Variants in LARGE1 observed in about 807,000 individuals in gnomAD.
LARGE1 encodes the protein LARGE xylosyl- and glucuronyltransferase 1.
A neutral mutation model predicts 87.6 loss-of-function variants in LARGE1; 43 were observed. That is an observed-to-expected ratio of 0.49 (90% CI 0.38 to 0.63). The LOEUF is 0.63. LARGE1 is among the 30% of genes least tolerant of loss of function. The pLI, the probability that LARGE1 is intolerant of heterozygous loss-of-function variation, is 0.00. For synonymous variants in LARGE1, 434 were observed against 394.6 expected, an observed-to-expected ratio of 1.10 and a Z score of -1.18; for missense variants, 802 against 1,000.2, an observed-to-expected ratio of 0.80 and a Z score of 2.67.
the LARGE1 span, among the ~76,000 whole-genome samples, chr22:33,085,057 C>T: frequency 6.6e-6 from 1 of 152,244 alleles, no homozygotes; most frequent in Non-Finnish European, 1.5e-5. Flanking sequence ...GGGTGGATCA[C>T]CTGAGGTCAG....
intron 1 of LARGE1, among the ~76,000 whole-genome samples, chr22:33,861,860 C>CTTTTTTTT (rs59657748): frequency 4.3e-5 from 5 of 117,248 alleles, no homozygotes; most frequent in African/African-American, 6.9e-5. Context: ...CCCAGACATT[C>CTTTTTTTT]TTTTTTTTTT....
chr22:33,593,917 A>G (rs2078911017), intron 5 of LARGE1, among the ~76,000 whole-genome samples: 1 of 152,224 alleles, frequency 6.6e-6, no homozygotes, highest in African/African-American at 2.4e-5. Context: ...CAGACTACCC[A>G]AAATTCATGT....
intron 6 of LARGE1, among the ~76,000 whole-genome samples, chr22:33,452,403 C>T (rs2067967827): frequency 1.3e-5 from 2 of 152,140 alleles, no homozygotes; most frequent in Admixed American, 1.3e-4. Context: ...GCAATGCCAG[C>T]AAAAGAAGAA....
the LARGE1 span, among the ~76,000 whole-genome samples, chr22:33,123,595 A>G: frequency 6.6e-6 from 1 of 152,248 alleles, no homozygotes; most frequent in Non-Finnish European, 1.5e-5. Flanking sequence ...AAGCATTACA[A>G]AAGCCAATTA....
At position 33,429,914 on chromosome 22, in the gene LARGE1, G is replaced by A. The variant is rs368564591; in HGVS notation, c.892+2247C>T. ...AATGCACTGAGAAAACAGCGTCTGGGAGAGCTTGCTGGGACAGGAAACAGA... is the reference window on the plus strand; with the variant it reads ...AATGCACTGAGAAAACAGCGTCTGGAAGAGCTTGCTGGGACAGGAAACAGA... On this transcript the variant is annotated intron_variant, in intron 7 of 14. Transcript: ENST00000397394. 1.2e-3 allele frequency among the ~76,000 whole-genome samples: 186 copies of A among 152,276 alleles called. 1 individual carries two copies. The highest frequency in any genetic ancestry group is 4.0e-3 in the African/African-American group (168 of 41,558).
rs754836488 is a variant in LARGE1 at position 33,316,292 on chromosome 22, C to T, written c.1288-44G>A. On this transcript the variant is annotated intron_variant, in intron 10 of 14. Coordinates refer to ENST00000397394, the MANE Select transcript of LARGE1 (RefSeq NM_133642.5). Reference sequence around the variant, plus strand: ...GGCTTGGGCACGTGAAGAAGAGGTCCGAGGGGGCCCATGAGCTTGCCCCTT... The same window carrying T: ...GGCTTGGGCACGTGAAGAAGAGGTCTGAGGGGGCCCATGAGCTTGCCCCTT... The T allele has an allele frequency of 6.0e-5, 96 of 1,601,364 alleles. 1 individual carries two copies. The highest frequency in any genetic ancestry group is 2.0e-4 in the Middle Eastern group (1 of 5,026).
chr22:33,845,458 G>A lies in LARGE1; in HGVS notation c.-83+74537C>T, dbSNP rs542331911. 9.9e-5 allele frequency among the ~76,000 whole-genome samples: 15 copies of A among 151,998 alleles called. No homozygotes were observed. In the East Asian group the frequency reaches 2.7e-3, roughly 28 times the overall value. On this transcript the variant is annotated intron_variant, in intron 1 of 14. Transcript: ENST00000397394. ...TGAGTAGCTGAGATTACAGGCATGCGTCACCATGCCCGGCTAATTTTGTAT... is the reference window on the plus strand; with the variant it reads ...TGAGTAGCTGAGATTACAGGCATGCATCACCATGCCCGGCTAATTTTGTAT...
intron 2 of LARGE1, among the ~76,000 whole-genome samples, chr22:33,684,327 C>T (rs143638270): frequency 1.8e-3 from 267 of 152,088 alleles, no homozygotes; most frequent in African/African-American, 6.1e-3. Flanking sequence ...TCAAGGCCAA[C>T]GGGAGTGCAA....
At chr22:33,863,379 A>G (rs2063988876) in intron 1 of LARGE1, among the ~76,000 whole-genome samples, 1 of 152,112 alleles carries the variant, frequency 6.6e-6, no homozygotes, top group African/African-American at 2.4e-5. Context: ...CTGCCTCACG[A>G]TGGGGCCAGG....
intron 2 of LARGE1, among the ~76,000 whole-genome samples, chr22:33,653,756 A>G (rs1214999150): frequency 6.6e-6 from 1 of 152,156 alleles, no homozygotes; most frequent in Non-Finnish European, 1.5e-5. Flanking sequence ...TAAGGTGTAA[A>G]GCACGCTGTA....
At chr22:33,810,054 T>A (rs1018787) in intron 1 of LARGE1, among the ~76,000 whole-genome samples, 110,118 of 151,574 alleles carry the variant, frequency 0.73, 40,368 homozygotes, top group East Asian at 0.87. Context: ...GTAGTCTGCA[T>A]GCAACAGACA....
intron 2 of LARGE1, among the ~76,000 whole-genome samples, chr22:33,654,450 C>T (rs1259041161): frequency 1.3e-5 from 2 of 152,300 alleles, no homozygotes; most frequent in East Asian, 1.9e-4. Context: ...ATCCCAACAC[C>T]GCATGATCAG....
At chr22:33,430,401 C>A (rs1198003252) in intron 7 of LARGE1, among the ~76,000 whole-genome samples, 1 of 152,118 alleles carries the variant, frequency 6.6e-6, no homozygotes, top group East Asian at 1.9e-4. Context: ...TGCTCTGATG[C>A]CCTCAGCTGC....
chr22:33,265,974 C>T (rs5998832), intron 11 of LARGE1, among the ~76,000 whole-genome samples: 42,681 of 152,018 alleles, frequency 0.28, 12,530 homozygotes, highest in African/African-American at 0.75. Context: ...AGCACTGGTA[C>T]AGGCCAAGAA....
At chr22:33,120,366 C>CT in the LARGE1 span, among the ~76,000 whole-genome samples, 14 of 139,896 alleles carry the variant, frequency 1.0e-4, no homozygotes, top group Non-Finnish European at 1.4e-4. Context: ...CTTTTTCTTT[C>CT]TTTCTTTCTT....
At chr22:33,909,833 C>T (rs1173616435) in intron 1 of LARGE1, among the ~76,000 whole-genome samples, 2 of 152,118 alleles carry the variant, frequency 1.3e-5, no homozygotes, top group East Asian at 1.9e-4. Flanking sequence ...CCACCACGCC[C>T]GGCCTAACTC....
chr22:33,185,963 ATC>A (rs1568964679), intron 11 of LARGE1, among the ~76,000 whole-genome samples: 1 of 152,176 alleles, frequency 6.6e-6, no homozygotes, highest in Non-Finnish European at 1.5e-5. Context: ...TTTCTACCTT[ATC>A]AAACCAGCAC....
intron 6 of LARGE1, among the ~76,000 whole-genome samples, chr22:33,544,596 C>A (rs943728614): frequency 6.6e-6 from 1 of 152,064 alleles, no homozygotes; most frequent in African/African-American, 2.4e-5. Context: ...GAAGGAGAAT[C>A]ACTTGAACCC....
the LARGE1 span, among the ~76,000 whole-genome samples, chr22:33,077,963 T>G: frequency 6.6e-6 from 1 of 152,052 alleles, no homozygotes; most frequent in Non-Finnish European, 1.5e-5. Context: ...TCAAAACTAG[T>G]CTCCTTTTGA....
Sources: gnomAD v4.1 joint callset for allele counts (sites outside exome capture counted in the v4.1 genomes callset) on GRCh38, gnomAD v4.1.1 for gene constraint, MANE v1.5 for transcripts, NCBI Gene and HGNC (gene_info 2026-07-23, HGNC 2026-07-21) for gene names.